CAPN2: variants seen among roughly 807,000 people sequenced by gnomAD.
CAPN2 encodes the protein calpain-2 catalytic subunit.
A neutral mutation model predicts 102.3 loss-of-function variants in CAPN2; 92 were observed. The ratio of observed to expected loss-of-function variants is 0.90; its 90% CI spans 0.76 to 1.07. The LOEUF (loss-of-function observed/expected upper bound fraction) is 1.07. Ranked by LOEUF, CAPN2 falls within the 50% of genes least tolerant of loss-of-function variation. The pLI is 0.00. For missense variants in CAPN2, 800 were observed against 909.4 expected (o/e 0.88, Z 1.55); for synonymous variants, 340 against 355.4 (o/e 0.96, Z 0.49).
chr1:223,735,853 C>T (rs1660444126), intron 2 of CAPN2, among the ~76,000 whole-genome samples: 1 of 151,992 alleles, frequency 6.6e-6, no homozygotes, highest in Admixed American at 6.6e-5. Flanking sequence ...AATCTCAGCT[C>T]ACTACAACCC....
intron 1 of CAPN2, among the ~76,000 whole-genome samples, chr1:223,703,147 T>G (rs567765154): frequency 1.2e-4 from 19 of 152,304 alleles, no homozygotes; most frequent in Middle Eastern, 3.4e-3. Flanking sequence ...AAAGCAGTTT[T>G]GCATTCAAAT....
intron 2 of CAPN2, among the ~76,000 whole-genome samples, chr1:223,743,486 A>G (rs558299835): frequency 6.6e-6 from 1 of 151,794 alleles, no homozygotes; most frequent in Non-Finnish European, 1.5e-5. Flanking sequence ...TCCCCTTTAT[A>G]TATTTGTTTG....
intron 15 of CAPN2, among the ~76,000 whole-genome samples, chr1:223,765,324 C>CT (rs1428704924): frequency 6.6e-6 from 1 of 152,166 alleles, no homozygotes; most frequent in Admixed American, 6.5e-5. Flanking sequence ...AGTCAGGTTA[C>CT]GGTCAGTCCA....
rs1660339431 is a variant in CAPN2, at chr1:223,731,674, G to C, written c.308-12426G>C. On this transcript the variant is annotated intron_variant, in intron 2 of 20. Coordinates refer to ENST00000295006, the MANE Select transcript of CAPN2 (RefSeq NM_001748.5). The surrounding 1 kb of genome is among the most constrained non-coding windows in gnomAD (Gnocchi z 4.2). ...TGCACCAACAAGGAGCCTGAGACTA[G>C]ATTGGAGGGGAAAGAGACATGTCCT... 6.6e-6 allele frequency among the ~76,000 whole-genome samples: 1 copy of C among 152,252 alleles called. No homozygotes were observed. Among genetic ancestry groups the C allele is most frequent in the Non-Finnish European group, 1.5e-5 (1 of 68,050 alleles).
chr1:223,702,060 A>C (rs1571769872), intron 1 of CAPN2, among the ~76,000 whole-genome samples: 1 of 34,994 alleles, frequency 2.9e-5, no homozygotes, highest in Non-Finnish European at 5.7e-5. Context: ...GAAGGAAGGA[A>C]GGAAGGGAGG....
chr1:223,745,168 A>T, intron 3 of CAPN2, 138 bp from the exon 4 acceptor site: 3 of 1,101,014 alleles, frequency 2.7e-6, no homozygotes, highest in Non-Finnish European at 3.9e-6. Context: ...TAGGAGAGTT[A>T]AGGGAGCACC....
chr1:223,748,474 G>A (rs1205226943), intron 5 of CAPN2, among the ~76,000 whole-genome samples: 1 of 152,248 alleles, frequency 6.6e-6, no homozygotes, highest in African/African-American at 2.4e-5. Flanking sequence ...GAGGCTGTGA[G>A]GCGTTCTTAA....
At chr1:223,734,590 C>T (rs1484275424) in intron 2 of CAPN2, among the ~76,000 whole-genome samples, 1 of 152,188 alleles carries the variant, frequency 6.6e-6, no homozygotes, top group Non-Finnish European at 1.5e-5. Context: ...TCCCTCCTCA[C>T]TGACCCCCGG....
rs1660179347 is a variant in CAPN2, at chr1:223,725,930, T to C, written c.307+8099T>C. Among the ~76,000 whole-genome samples the C allele has an allele frequency of 6.6e-6, 1 of 152,174 alleles. No homozygotes were observed. Among genetic ancestry groups the C allele is most frequent in the Admixed American group, 6.5e-5 (1 of 15,274 alleles). Reference sequence around the variant, plus strand: ...GTCCTTTCTTTTTCTTTTCCTACAATGCAGGGAACTTTAAGACTATGTGAC... The same window carrying C: ...GTCCTTTCTTTTTCTTTTCCTACAACGCAGGGAACTTTAAGACTATGTGAC... On this transcript the variant is annotated intron_variant, in intron 2 of 20. Transcript: ENST00000295006. This position sits in a 1 kb window ranked among gnomAD's most constrained non-coding sequence, Gnocchi z 4.1.
chr1:223,735,485 G>C (rs2102788161), intron 2 of CAPN2, among the ~76,000 whole-genome samples: 1 of 150,784 alleles, frequency 6.6e-6, no homozygotes, highest in Non-Finnish European at 1.5e-5. Flanking sequence ...CTAAGATGGA[G>C]CCATTGCACT....
At chr1:223,704,662 G>A (rs1659564210) in intron 1 of CAPN2, among the ~76,000 whole-genome samples, 1 of 152,136 alleles carries the variant, frequency 6.6e-6, no homozygotes, top group African/African-American at 2.4e-5. Flanking sequence ...AATGAGAAGG[G>A]TATCTGAAAT....
intron 2 of CAPN2, among the ~76,000 whole-genome samples, chr1:223,729,062 T>G (rs1660266292): frequency 6.6e-6 from 1 of 152,240 alleles, no homozygotes; most frequent in Non-Finnish European, 1.5e-5. Flanking sequence ...CGCCATTTTC[T>G]TCTATTCCCC....
chr1:223,752,395 TC>T (rs1207893680), intron 8 of CAPN2, among the ~76,000 whole-genome samples: 1 of 152,184 alleles, frequency 6.6e-6, no homozygotes, highest in Non-Finnish European at 1.5e-5. Context: ...CGGAGACTCA[TC>T]CCAGCCCCTT....
intron 2 of CAPN2, among the ~76,000 whole-genome samples, chr1:223,733,937 C>G (rs1263024100): frequency 6.6e-6 from 1 of 152,228 alleles, no homozygotes; most frequent in African/African-American, 2.4e-5. Context: ...GAACTGACAG[C>G]CCAGGGGTGC....
At position 223,753,024 on chromosome 1, in the gene CAPN2, C is replaced by G. The variant is rs1370076426; in HGVS notation, c.1135+68C>G. On this transcript the variant is annotated intron_variant, in intron 9 of 20. Transcript: ENST00000295006. The stretch of plus-strand genomic sequence containing the variant: ...CCAAAGGCCAAAGCTCCCCTTACCC[C>G]ACCCTGTGTACCACACCCCAGCCTA... 4.7e-6 allele frequency: 7 copies of G among 1,484,150 alleles called. No homozygotes were observed. The Admixed American group carries it at 6.8e-5, about 14-fold the overall frequency. 91.9% of individuals were successfully genotyped at this position (1,484,150 alleles called of 1,614,324 possible).
chr1:223,740,432 G>T (rs1404008480), intron 2 of CAPN2, among the ~76,000 whole-genome samples: 1 of 152,178 alleles, frequency 6.6e-6, no homozygotes, highest in East Asian at 1.9e-4. Flanking sequence ...GCTGTGTCCA[G>T]TTTCCATTGG....
chr1:223,734,158 CCA>C (rs1173733044), intron 2 of CAPN2, among the ~76,000 whole-genome samples: 1 of 152,226 alleles, frequency 6.6e-6, no homozygotes, highest in African/African-American at 2.4e-5. Context: ...AGGGGAGGCT[CCA>C]CAGTCCCGGC....
chr1:223,730,381 G>A (rs1255811006), intron 2 of CAPN2, among the ~76,000 whole-genome samples: 4 of 116,060 alleles, frequency 3.4e-5, no homozygotes, highest in Admixed American at 1.0e-4. Context: ...TAGTGTCAGT[G>A]TATTTTATGT....
At position 223,726,724 on chromosome 1, in the gene CAPN2, G is replaced by T. The variant is rs1660198770; in HGVS notation, c.307+8893G>T. ...GAGGCTGAAGACTTCTTGTTAATAAGGGTGGGGCATGAGTAAAATGGAGGA... is the reference window on the plus strand; with the variant it reads ...GAGGCTGAAGACTTCTTGTTAATAATGGTGGGGCATGAGTAAAATGGAGGA... On this transcript the variant is annotated intron_variant, in intron 2 of 20. Transcript: ENST00000295006. This position sits in a 1 kb window ranked among gnomAD's most constrained non-coding sequence, Gnocchi z 4.4. 1.3e-5 allele frequency among the ~76,000 whole-genome samples: 2 copies of T among 152,192 alleles called. No individual in the cohort carries two copies. The highest frequency in any genetic ancestry group is 4.1e-4 in the South Asian group (2 of 4,828).
Sources: allele counts gnomAD v4.1 joint callset (sites outside exome capture counted in the v4.1 genomes callset), GRCh38; gene constraint gnomAD v4.1.1; non-coding constraint Gnocchi (gnomAD v3.1); transcripts MANE v1.5; gene names NCBI Gene and HGNC (gene_info 2026-07-23, HGNC 2026-07-21).